KCMF1: variants seen among roughly 807,000 people sequenced by gnomAD.
KCMF1 encodes the protein E3 ubiquitin-protein ligase KCMF1.
In KCMF1, 3 loss-of-function variants were observed where a neutral mutation model predicts 41.1. The ratio of observed to expected loss-of-function variants is 0.07; its 90% confidence interval spans 0.03 to 0.19. KCMF1 has a LOEUF of 0.19. Ranked by LOEUF, KCMF1 falls within the 10% of genes least tolerant of loss-of-function variation. The probability of loss-of-function intolerance (pLI) is 1.00; values close to 1 mark genes in which losing one functional copy is unlikely to be tolerated. For synonymous variants in KCMF1, 142 were observed against 164.5 expected (o/e 0.86, Z 1.04); for missense variants, 286 against 488.9 (o/e 0.58, Z 3.91).
Position 84,971,284 on chromosome 2 carries a change from G to A in KCMF1, c.-168G>A. The A allele has an allele frequency of 6.0e-6, 1 of 166,530 alleles. No homozygotes were observed. The highest frequency in any genetic ancestry group is 1.2e-5 in the Non-Finnish European group (1 of 83,850). 10.3% of individuals were successfully genotyped at this position (166,530 alleles called of 1,614,324 possible). On this transcript the variant is annotated 5_prime_UTR_variant, in exon 1 of 7. Transcript: ENST00000409785. ...TCCCGCCCCGCGCCGCCTCCCCGCC[G>A]CCGCCGCCGCCGCCGCCGCGGGAGC...
At chr2:85,023,746 TAGG>T (rs1675013815) in intron 1 of KCMF1, among the ~76,000 whole-genome samples, 2 of 152,218 alleles carry the variant, frequency 1.3e-5, no homozygotes, top group South Asian at 4.1e-4. Flanking sequence ...TACGGTATCA[TAGG>T]AGGTATATGT....
In KCMF1 at chr2:85,053,353, A is replaced by G; in HGVS notation, c.1090A>G (p.Asn364Asp). The G allele has an allele frequency of 6.2e-7, 1 of 1,613,622 alleles. No homozygotes were observed. The highest frequency in any genetic ancestry group is 1.1e-5 in the South Asian group (1 of 91,012). ...DIMPLDVALE[N>D]LNLKESNKGN... is the part of the protein sequence containing the mutation. ...TATGCCTTTAGATGTTGCTTTAGAA[A>G]ACCTAAATTTAAAAGAGAGTAATAA... Residue 364 changes from asparagine to aspartate, a missense_variant, in exon 7 of 7, where the codon AAC (asparagine) becomes GAC (aspartate). By Grantham distance (23) the Asn-to-Asp change is conservative. Transcript: ENST00000409785.
intron 1 of KCMF1, among the ~76,000 whole-genome samples, chr2:84,974,892 A>G: frequency 6.6e-6 from 1 of 151,096 alleles, no homozygotes; most frequent in East Asian, 1.9e-4. Flanking sequence ...TTCGTTTAGT[A>G]GAGATGGGGT....
At chr2:85,028,917 A>G (rs997331666) in intron 2 of KCMF1, among the ~76,000 whole-genome samples, 11 of 152,212 alleles carry the variant, frequency 7.2e-5, no homozygotes, top group African/African-American at 2.7e-4. Context: ...AAGAAGAAAT[A>G]TGCTCTGTCT....
chr2:85,044,280 C>T (rs962298594), intron 4 of KCMF1, among the ~76,000 whole-genome samples: 1 of 152,050 alleles, frequency 6.6e-6, no homozygotes, highest in African/African-American at 2.4e-5. Context: ...TTTTTGGGGT[C>T]CCCTTCTCCA....
chr2:84,989,530 G>A (rs570947947), intron 1 of KCMF1, among the ~76,000 whole-genome samples: 2 of 152,284 alleles, frequency 1.3e-5, no homozygotes, highest in African/African-American at 4.8e-5. Context: ...TTGGAGGATG[G>A]ATCTGCAGGG....
intron 5 of KCMF1, 41 bp from the exon 6 acceptor site, chr2:85,049,325 A>G (rs754067710): frequency 4.4e-6 from 7 of 1,588,808 alleles, no homozygotes; most frequent in Middle Eastern, 1.7e-4. Context: ...TGTTTTCCTC[A>G]GTATTAAGCA....
chr2:84,971,672 G>A (rs1448213652), intron 1 of KCMF1, among the ~76,000 whole-genome samples: 1 of 151,246 alleles, frequency 6.6e-6, no homozygotes, highest in East Asian at 2.0e-4. Flanking sequence ...AGCTGGGCCT[G>A]GTGCTGGAGG....
chr2:85,035,305 T>C (rs530659773), intron 3 of KCMF1, 150 bp downstream of exon 3: 1 of 790,238 alleles, frequency 1.3e-6, no homozygotes, highest in African/African-American at 1.8e-5. Flanking sequence ...ACAGCAAATT[T>C]TATACATCAT....
intron 1 of KCMF1, among the ~76,000 whole-genome samples, chr2:85,009,711 C>A (rs1435882919): frequency 6.6e-6 from 1 of 151,920 alleles, no homozygotes. Flanking sequence ...TTACTTAATC[C>A]CTCTGTTTTC....
chr2:85,033,119 C>G (rs1017777605), intron 2 of KCMF1, among the ~76,000 whole-genome samples: 1 of 152,146 alleles, frequency 6.6e-6, no homozygotes, highest in Admixed American at 6.5e-5. Context: ...TCCAAATTCA[C>G]CTAACAAGTC....
At chr2:85,026,486 A>ATTT (rs1253198142) in intron 1 of KCMF1, among the ~76,000 whole-genome samples, 1 of 145,004 alleles carries the variant, frequency 6.9e-6, no homozygotes, top group South Asian at 2.1e-4. Flanking sequence ...TATTATTATT[A>ATTT]TTATTATTAT....
intron 2 of KCMF1, among the ~76,000 whole-genome samples, chr2:85,029,068 C>T (rs1351128498): frequency 6.6e-6 from 1 of 152,132 alleles, no homozygotes; most frequent in Non-Finnish European, 1.5e-5. Flanking sequence ...CTCCTGGCTT[C>T]AAGCAATTCT....
At chr2:85,013,650 TAGCC>T (rs1674699939) in intron 1 of KCMF1, among the ~76,000 whole-genome samples, 1 of 151,846 alleles carries the variant, frequency 6.6e-6, no homozygotes, top group African/African-American at 2.4e-5. Flanking sequence ...GTACAAAAAT[TAGCC>T]AGGCATGGTG....
At chr2:84,984,646 C>A (rs1042257146) in intron 1 of KCMF1, among the ~76,000 whole-genome samples, 1 of 151,936 alleles carries the variant, frequency 6.6e-6, no homozygotes, top group African/African-American at 2.4e-5. Flanking sequence ...CATGAAGAAA[C>A]CCCGTCACTA....
intron 3 of KCMF1, among the ~76,000 whole-genome samples, chr2:85,041,845 CAA>C (rs60508701): frequency 0.031 from 4,562 of 148,974 alleles, 235 homozygotes; most frequent in African/African-American, 0.11. Context: ...CTGCATCTCT[CAA>C]AGAGTTTACA....
At chr2:85,031,569 G>A (rs1270150213) in intron 2 of KCMF1, among the ~76,000 whole-genome samples, 3 of 152,204 alleles carry the variant, frequency 2.0e-5, no homozygotes, top group African/African-American at 7.2e-5. Flanking sequence ...GCTTACATAA[G>A]TGTTCTGAGC....
chr2:85,002,858 CTATATACTA>C (rs966479629), intron 1 of KCMF1, among the ~76,000 whole-genome samples: 1 of 152,090 alleles, frequency 6.6e-6, no homozygotes, highest in South Asian at 2.1e-4. Context: ...GCCATTCTGT[CTATATACTA>C]TATATACTAA....
chr2:85,031,921 G>T (rs535647048), intron 2 of KCMF1, among the ~76,000 whole-genome samples: 3 of 152,156 alleles, frequency 2.0e-5, no homozygotes, highest in African/African-American at 7.2e-5. Flanking sequence ...TTAATTTTTT[G>T]TAGAGGTGAA....
Sources: gnomAD v4.1 joint callset for allele counts (sites outside exome capture counted in the v4.1 genomes callset) on GRCh38, gnomAD v4.1.1 for gene constraint, MANE v1.5 for transcripts, NCBI Gene and HGNC (gene_info 2026-07-23, HGNC 2026-07-21) for gene names.